Variants in CDH12 observed in about 807,000 individuals in gnomAD.
CDH12 encodes cadherin-12.
Under a neutral mutation model 74.1 loss-of-function variants are expected in CDH12, and 41 were observed. The ratio of observed to expected loss-of-function variants is 0.55; its 90% CI spans 0.43 to 0.72. The LOEUF is 0.72. Ranked by LOEUF, CDH12 falls within the 30% of genes least tolerant of loss-of-function variation. The pLI is 0.00. For missense variants in CDH12, 945 were observed against 977.2 expected (o/e 0.97, Z 0.44); for synonymous variants, 399 against 355.0 (o/e 1.12, Z -1.39).
At chr5:22,691,265 G>A (rs978773868) in intron 1 of CDH12, among the ~76,000 whole-genome samples, 3 of 152,164 alleles carry the variant, frequency 2.0e-5, no homozygotes, top group African/African-American at 7.2e-5. Flanking sequence ...CTTACTTCTT[G>A]TCAATCTTGG....
Position 22,243,491 on chromosome 5 carries a change from TAG to T in CDH12, c.-332-30850_-332-30849del, listed in dbSNP as rs201928773. ...GGAAAAAGAAAAGAAAGGGGAAAGG[TAG>T]AGAGAGAAAAAAGACACAGAAGAAA... On this transcript the variant is annotated intron_variant, in intron 3 of 14. Coordinates refer to ENST00000382254, the MANE Select transcript of CDH12 (RefSeq NM_004061.5). Among the ~76,000 whole-genome samples the T allele has an allele frequency of 4.2e-3, 634 of 150,972 alleles. 6 individuals carry two copies. The highest frequency in any genetic ancestry group is 0.015 in the African/African-American group (613 of 41,120).
chr5:21,824,212 T>G (rs955397050), intron 8 of CDH12, among the ~76,000 whole-genome samples: 1 of 152,074 alleles, frequency 6.6e-6, no homozygotes, highest in African/African-American at 2.4e-5. Context: ...TTTTAATTTT[T>G]TTTTCATCAT....
intron 4 of CDH12, among the ~76,000 whole-genome samples, chr5:22,155,196 G>T (rs972640575): frequency 2.6e-5 from 4 of 151,978 alleles, no homozygotes; most frequent in Non-Finnish European, 4.4e-5. Context: ...TGATTAAATT[G>T]TGCTCTATTT....
chr5:22,550,290 T>C (rs1408393275), intron 1 of CDH12, among the ~76,000 whole-genome samples: 2 of 152,194 alleles, frequency 1.3e-5, no homozygotes, highest in African/African-American at 4.8e-5. Context: ...CATTTGTATC[T>C]TGAACACTTA....
chr5:22,126,642 A>G (rs1327779724), intron 4 of CDH12, among the ~76,000 whole-genome samples: 2 of 152,228 alleles, frequency 1.3e-5, no homozygotes, highest in African/African-American at 4.8e-5. Flanking sequence ...TTTGCTCTAT[A>G]TATTTGATAT....
chr5:22,400,808 T>C (rs1433140571), intron 3 of CDH12, among the ~76,000 whole-genome samples: 2 of 152,134 alleles, frequency 1.3e-5, no homozygotes, highest in Admixed American at 6.6e-5. Flanking sequence ...TAAATGTTAG[T>C]TGGCATGCTA....
intron 1 of CDH12, among the ~76,000 whole-genome samples, chr5:22,832,407 A>G (rs2126503266): frequency 6.6e-6 from 1 of 152,294 alleles, no homozygotes. Context: ...TCTGAAGTTT[A>G]AGAAATTGGC....
At chr5:22,775,844 G>A (rs1747065220) in intron 1 of CDH12, among the ~76,000 whole-genome samples, 1 of 152,090 alleles carries the variant, frequency 6.6e-6, no homozygotes, top group Non-Finnish European at 1.5e-5. Context: ...GTGTGTTGTG[G>A]GAGGGACCCA....
intron 1 of CDH12, among the ~76,000 whole-genome samples, chr5:22,516,626 C>A (rs1736817508): frequency 6.6e-6 from 1 of 151,934 alleles, no homozygotes; most frequent in African/African-American, 2.4e-5. Flanking sequence ...GAAACCTTGT[C>A]TCCACAAAAA....
intron 11 of CDH12, chr5:21,774,588 A>G (rs1745489309): frequency 6.6e-6 from 1 of 152,184 alleles, no homozygotes; most frequent in Non-Finnish European, 1.5e-5. Flanking sequence ...GAACCCTAAT[A>G]TACAAGTACT....
intron 2 of CDH12, among the ~76,000 whole-genome samples, chr5:22,501,231 T>A (rs1747320460): frequency 6.6e-6 from 1 of 152,196 alleles, no homozygotes; most frequent in African/African-American, 2.4e-5. Flanking sequence ...TTTGTGTCTC[T>A]TGAGTGTGAT....
chr5:21,791,058 G>A (rs1746469845), intron 10 of CDH12, among the ~76,000 whole-genome samples: 1 of 151,888 alleles, frequency 6.6e-6, no homozygotes, highest in South Asian at 2.1e-4. Context: ...TATATCTTCT[G>A]GAATATAGCT....
intron 1 of CDH12, among the ~76,000 whole-genome samples, chr5:22,656,639 T>G (rs1740051146): frequency 6.6e-6 from 1 of 152,212 alleles, no homozygotes; most frequent in Non-Finnish European, 1.5e-5. Flanking sequence ...CTACCAAAGT[T>G]AATCATATGT....
chr5:22,103,461 C>T (rs926894139), intron 4 of CDH12, among the ~76,000 whole-genome samples: 3 of 152,200 alleles, frequency 2.0e-5, no homozygotes, highest in Non-Finnish European at 4.4e-5. Flanking sequence ...AAACTGCCCT[C>T]TATTTGCTGG....
chr5:21,854,804 C>A lies in CDH12; in HGVS notation c.527-14G>T, dbSNP rs765895171. 2.2e-5 allele frequency: 35 copies of A among 1,601,838 alleles called. No homozygotes were observed. Among genetic ancestry groups the A allele is most frequent in the East Asian group, 4.5e-5 (2 of 44,648 alleles). On this transcript the variant is annotated splice_polypyrimidine_tract_variant and intron_variant, in intron 6 of 14. Coordinates refer to ENST00000382254, the MANE Select transcript of CDH12 (RefSeq NM_004061.5). The stretch of plus-strand genomic sequence containing the variant: ...GTACATATGCACCTGGAAAATAAGA[C>A]AATATCACTCTAGCATTTTTGTTTT...
chr5:22,569,865 C>T lies in CDH12; in HGVS notation c.-522-64501G>A, dbSNP rs535462611. 1.6e-3 allele frequency among the ~76,000 whole-genome samples: 241 copies of T among 152,170 alleles called. 1 individual carries two copies. Among genetic ancestry groups the T allele is most frequent in the South Asian group, 1.0e-2 (48 of 4,816 alleles). ...CGAGAAGGGTTGGAATCAACTTCTT[C>T]CAAACTTGTGTTAAGGTTGATATTT... On this transcript the variant is annotated intron_variant, in intron 1 of 14. Transcript: ENST00000382254.
chr5:21,804,887 T>C (rs1747345679), intron 9 of CDH12, among the ~76,000 whole-genome samples: 1 of 152,106 alleles, frequency 6.6e-6, no homozygotes, highest in African/African-American at 2.4e-5. Flanking sequence ...TTAGAAGATA[T>C]CGGAGAGAGA....
intron 1 of CDH12, among the ~76,000 whole-genome samples, chr5:22,810,293 T>C (rs1196007367): frequency 6.6e-6 from 1 of 152,138 alleles, no homozygotes; most frequent in Non-Finnish European, 1.5e-5. Context: ...ATTCTGAGTA[T>C]GCGTAAGTGG....
intron 3 of CDH12, among the ~76,000 whole-genome samples, chr5:22,225,983 GGAATA>G (rs1752181086): frequency 7.2e-6 from 1 of 138,176 alleles, no homozygotes; most frequent in Non-Finnish European, 1.6e-5. Flanking sequence ...AACAGAATAT[GGAATA>G]ACAACATCAG....
Sources: gnomAD v4.1 joint callset for allele counts (sites outside exome capture counted in the v4.1 genomes callset) on GRCh38, gnomAD v4.1.1 for gene constraint, MANE v1.5 for transcripts, NCBI Gene and HGNC (gene_info 2026-07-23, HGNC 2026-07-21) for gene names.